EDAR: variants seen among roughly 807,000 people sequenced by gnomAD.
EDAR encodes ectodysplasin A receptor.
A neutral mutation model predicts 51.3 loss-of-function variants in EDAR; 38 were observed. The ratio of observed to expected loss-of-function variants is 0.74; its 90% confidence interval spans 0.57 to 0.97. The LOEUF (loss-of-function observed/expected upper bound fraction) is 0.97. EDAR is among the 50% of genes least tolerant of loss of function. The probability of loss-of-function intolerance (pLI) is 0.00; values close to 1 mark genes in which losing one functional copy is unlikely to be tolerated. For missense variants in EDAR, 528 were observed against 595.0 expected (o/e 0.89, Z 1.17); for synonymous variants, 227 against 242.1 (o/e 0.94, Z 0.58).
At position 108,967,042 on chromosome 2, in the gene EDAR, C is replaced by A. The variant is rs147042455; in HGVS notation, c.-19+21918G>T. Among the ~76,000 whole-genome samples, 6 of 152,332 alleles carry A rather than the reference C, an allele frequency of 3.9e-5. No individual in the cohort carries two copies. The East Asian group carries it at 1.2e-3, about 29-fold the overall frequency. On this transcript the variant is annotated intron_variant, in intron 1 of 11. Transcript: ENST00000258443. Reference sequence around the variant, plus strand: ...CTCTGCTTCCCAGGTTCAAGCAATTCTTCTGCCTCAGCCTCCCAAGTAGCT... The same window carrying A: ...CTCTGCTTCCCAGGTTCAAGCAATTATTCTGCCTCAGCCTCCCAAGTAGCT...
chr2:108,959,788 G>A (rs1209666240), intron 1 of EDAR, among the ~76,000 whole-genome samples: 1 of 152,162 alleles, frequency 6.6e-6, no homozygotes, highest in Non-Finnish European at 1.5e-5. Flanking sequence ...CTGAAAATGA[G>A]AAAGATATGT....
intron 1 of EDAR, among the ~76,000 whole-genome samples, chr2:108,969,138 G>A (rs1269487415): frequency 6.6e-6 from 1 of 152,156 alleles, no homozygotes; most frequent in African/African-American, 2.4e-5. Context: ...CAACAAGGGT[G>A]ATGAAGAAAG....
At chr2:108,986,444 C>T (rs1180262301) in intron 1 of EDAR, among the ~76,000 whole-genome samples, 4 of 152,182 alleles carry the variant, frequency 2.6e-5, no homozygotes, top group African/African-American at 9.7e-5. Flanking sequence ...ATTGCACCAT[C>T]TCCTTGTGGG....
chr2:108,937,773 A>G (rs9967687), intron 1 of EDAR, among the ~76,000 whole-genome samples: 2,226 of 152,174 alleles, frequency 0.015, 25 homozygotes, highest in South Asian at 0.029. Flanking sequence ...GTGTGAATGT[A>G]TGTGTGTGTA....
chr2:108,964,634 G>A (rs1698115608), intron 1 of EDAR, among the ~76,000 whole-genome samples: 1 of 152,172 alleles, frequency 6.6e-6, no homozygotes, highest in Admixed American at 6.5e-5. Flanking sequence ...TGAGCAAATG[G>A]AGCAGCAAAT....
intron 1 of EDAR, among the ~76,000 whole-genome samples, chr2:108,973,100 C>T (rs1310207639): frequency 1.3e-5 from 2 of 152,174 alleles, no homozygotes; most frequent in African/African-American, 2.4e-5. Flanking sequence ...ACCTCTCATG[C>T]GTCAGCCTCC....
At position 108,897,249 on chromosome 2, in the gene EDAR, C is replaced by CAGTT. The variant is rs1169822622; in HGVS notation, c.1025-24_1025-21dup. On this transcript the variant is annotated intron_variant, in intron 11 of 11. Coordinates refer to ENST00000258443, the MANE Select transcript of EDAR (RefSeq NM_022336.4). ...TAAGACCTACAGACACCAATGGCCA[C>CAGTT]AGTTAGATGTTGCAAGTCACAGTCA... 3 of 1,606,266 alleles carry CAGTT rather than the reference C, an allele frequency of 1.9e-6. 1 individual carries two copies.
chr2:108,910,711 G>A, intron 8 of EDAR, 65 bp downstream of exon 8: 1 of 1,579,118 alleles, frequency 6.3e-7, no homozygotes, highest in Non-Finnish European at 8.7e-7. Context: ...GGCTGCTTCT[G>A]GGAACGCCCT....
In EDAR at chr2:108,896,876, G is replaced by C; in HGVS notation, c.*31C>G. On this transcript the variant is annotated 3_prime_UTR_variant, in exon 12 of 12. Coordinates refer to ENST00000258443, the MANE Select transcript of EDAR (RefSeq NM_022336.4). ...AGAGCCCTCGTTGGCTCCTTGGCTT[G>C]TCCTGGGAGGACAGCCCACAGGCAT... is the stretch of plus-strand genomic sequence containing the variant. 1 of 1,597,586 alleles carries C rather than the reference G, an allele frequency of 6.3e-7. No individual in the cohort carries two copies. The highest frequency in any genetic ancestry group is 1.1e-5 in the South Asian group (1 of 88,590).
In EDAR at chr2:108,923,309, T is replaced by C. The variant is rs74690043; in HGVS notation, c.442+59A>G. 10,469 of 1,510,118 alleles carry C rather than the reference T, an allele frequency of 6.9e-3. 88 individuals carry two copies. The highest frequency in any genetic ancestry group is 0.029 in the East Asian group (1,306 of 44,450). The allele number at this position is 1,510,118 out of a possible 1,614,324, so 93.5% of individuals were successfully genotyped here. The stretch of plus-strand genomic sequence containing the variant: ...GACCGGCTCTTTCCTACACCCTCTG[T>C]AGTGAAAGGGATCCGTGCTGAACAA... On this transcript the variant is annotated intron_variant, in intron 5 of 11. Transcript: ENST00000258443.
rs72836550 is a variant in EDAR at position 108,910,167 on chromosome 2, G to A, written c.803+293C>T. Reference sequence around the variant, plus strand: ...CTTGGCTTTATGTTCTGCCCTCCCAGTCTGGAGAAGGGGCATGAGGAATTC... The same window carrying A: ...CTTGGCTTTATGTTCTGCCCTCCCAATCTGGAGAAGGGGCATGAGGAATTC... On this transcript the variant is annotated intron_variant, in intron 9 of 11. Transcript: ENST00000258443. Among the ~76,000 whole-genome samples, 1,222 of 152,336 alleles carry A rather than the reference G, an allele frequency of 8.0e-3. 5 individuals carry two copies. The highest frequency in any genetic ancestry group is 0.013 in the Non-Finnish European group (873 of 68,036).
chr2:108,927,596 G>A (rs13397666), intron 4 of EDAR, among the ~76,000 whole-genome samples: 92,556 of 151,984 alleles, frequency 0.61, 31,904 homozygotes, highest in Middle Eastern at 0.8. Flanking sequence ...GCGAGGTTCC[G>A]TGGTGCACCC....
At chr2:108,948,362 CTCTG>C (rs1448855329) in intron 1 of EDAR, among the ~76,000 whole-genome samples, 1 of 152,216 alleles carries the variant, frequency 6.6e-6, no homozygotes, top group South Asian at 2.1e-4. Flanking sequence ...CTATTTCAAC[CTCTG>C]TCTGTTACTC....
chr2:108,925,775 G>A (rs974718009), intron 4 of EDAR, among the ~76,000 whole-genome samples: 5 of 152,036 alleles, frequency 3.3e-5, no homozygotes, highest in South Asian at 2.1e-4. Context: ...GCACCACGAC[G>A]CCTGGCTAAT....
chr2:108,929,630 C>T (rs1179612689), intron 3 of EDAR, among the ~76,000 whole-genome samples: 1 of 152,192 alleles, frequency 6.6e-6, no homozygotes, highest in South Asian at 2.1e-4. Flanking sequence ...ATGAATTCAG[C>T]GAGCTGCTGG....
intron 1 of EDAR, among the ~76,000 whole-genome samples, chr2:108,976,540 C>T (rs768532120): frequency 6.6e-6 from 1 of 152,146 alleles, no homozygotes; most frequent in Admixed American, 6.5e-5. Context: ...GGGAGTTATC[C>T]GTTTAACCTC....
In EDAR at chr2:108,920,109, C is replaced by T. The variant is rs964940515; in HGVS notation, c.442+3259G>A. 3.9e-5 allele frequency among the ~76,000 whole-genome samples: 6 copies of T among 152,254 alleles called. No individual in the cohort carries two copies. In the East Asian group the frequency reaches 5.8e-4, roughly 15 times the overall value. On this transcript the variant is annotated intron_variant, in intron 5 of 11. Transcript: ENST00000258443. Reference sequence around the variant, plus strand: ...TCTTTCCCCTTCTGTGTGCTGTCCACACCGCCAGTCAGTGAGGGAAGTGCA... The same window carrying T: ...TCTTTCCCCTTCTGTGTGCTGTCCATACCGCCAGTCAGTGAGGGAAGTGCA...
At position 108,897,091 on chromosome 2, in the gene EDAR, A is replaced by G. The variant is rs917638291; in HGVS notation, c.1163T>C (p.Ile388Thr). 2.5e-6 allele frequency: 4 copies of G among 1,613,744 alleles called. No homozygotes were observed. The highest frequency in any genetic ancestry group is 1.1e-5 in the South Asian group (1 of 91,056). ...TTGCATGCCGTCTGTCATGCCCCCA[A>G]TCTCATCCCTCTTCAGGCCGAAGCT... ...AESFGLKRDEIGGMTDGMQLF... is the reference protein window; with the variant it reads ...AESFGLKRDETGGMTDGMQLF... Residue 388 changes from isoleucine (I) to threonine (T), a missense_variant, in exon 12 of 12, where the codon ATT becomes ACT. Transcript: ENST00000258443.
intron 1 of EDAR, among the ~76,000 whole-genome samples, chr2:108,944,140 G>A (rs971461513): frequency 1.3e-5 from 2 of 152,172 alleles, no homozygotes; most frequent in Non-Finnish European, 1.5e-5. Flanking sequence ...TTGAGACAGA[G>A]TCTCGCTCTG....
Sources: gnomAD v4.1 joint callset for allele counts (sites outside exome capture counted in the v4.1 genomes callset) on GRCh38, gnomAD v4.1.1 for gene constraint, MANE v1.5 for transcripts, NCBI Gene and HGNC (gene_info 2026-07-23, HGNC 2026-07-21) for gene names.